Variants in CARMIL1 observed in about 807,000 individuals in gnomAD.
The protein encoded by CARMIL1 is capping protein regulator and myosin 1 linker 1.
Under a neutral mutation model 177.1 loss-of-function variants are expected in CARMIL1, and 90 were observed. The ratio of observed to expected loss-of-function variants is 0.51; its 90% CI spans 0.43 to 0.61. CARMIL1 has a LOEUF of 0.61. Ranked by LOEUF, CARMIL1 falls within the 20% of genes least tolerant of loss-of-function variation. The pLI, the probability that CARMIL1 is intolerant of heterozygous loss-of-function variation, is 0.00. For missense variants in CARMIL1, 1,380 were observed against 1,667.0 expected (o/e 0.83, Z 3.00); for synonymous variants, 577 against 606.2 (o/e 0.95, Z 0.71).
chr6:25,396,009 C>A (rs1002555159), intron 2 of CARMIL1, among the ~76,000 whole-genome samples: 1 of 152,188 alleles, frequency 6.6e-6, no homozygotes, highest in Non-Finnish European at 1.5e-5. Flanking sequence ...GGTTATTTCT[C>A]TACTGCCACT....
chr6:25,391,900 A>G (rs2150537252), intron 2 of CARMIL1, among the ~76,000 whole-genome samples: 1 of 152,344 alleles, frequency 6.6e-6, no homozygotes, highest in African/African-American at 2.4e-5. Context: ...TTGAACTAAA[A>G]AATTGTCCCT....
intron 17 of CARMIL1, among the ~76,000 whole-genome samples, chr6:25,502,004 A>AC (rs952988981): frequency 6.6e-6 from 1 of 151,162 alleles, no homozygotes; most frequent in African/African-American, 2.4e-5. Context: ...AAAAAAAAAA[A>AC]AAAAAAAACC....
chr6:25,583,562 A>T (rs181568424), intron 31 of CARMIL1, among the ~76,000 whole-genome samples: 2,949 of 152,214 alleles, frequency 0.019, 78 homozygotes, highest in African/African-American at 0.061. Context: ...ACATAGATGG[A>T]TGAAGGTCAC....
intron 2 of CARMIL1, chr6:25,388,146 T>C (rs1168339815): frequency 6.6e-6 from 1 of 152,208 alleles, no homozygotes; most frequent in Non-Finnish European, 1.5e-5. Flanking sequence ...TGAAACTCAT[T>C]TGATGTAGAA....
chr6:25,465,847 A>G (rs1229103877), intron 8 of CARMIL1, 26 bp from the exon 9 acceptor site: 7 of 1,450,826 alleles, frequency 4.8e-6, no homozygotes, highest in Admixed American at 1.7e-5. Context: ...GAGCACTTTC[A>G]TGTACTTTGT....
At chr6:25,364,745 A>G (rs899666946) in intron 2 of CARMIL1, among the ~76,000 whole-genome samples, 1 of 151,844 alleles carries the variant, frequency 6.6e-6, no homozygotes, top group African/African-American at 2.4e-5. Flanking sequence ...TTGTATTTTT[A>G]GTAGAGATGG....
intron 2 of CARMIL1, among the ~76,000 whole-genome samples, chr6:25,309,306 G>A (rs1463231746): frequency 7.4e-6 from 1 of 135,970 alleles, no homozygotes; most frequent in Non-Finnish European, 1.5e-5. Context: ...AATGAGCTCA[G>A]ATCATGCCAC....
chr6:25,619,731 GCCTTT>G lies in CARMIL1; in HGVS notation c.*149_*153del. ...TATTTCGCCCCCACCCCCATCCCCT[GCCTTT>G]TTTTTTTTTTTTTTTTTTTTTTTTT... On this transcript the variant is annotated 3_prime_UTR_variant, in exon 37 of 37. Transcript: ENST00000329474. 1 of 231,496 alleles carries G rather than the reference GCCTTT, an allele frequency of 4.3e-6. No individual in the cohort carries two copies. Among genetic ancestry groups the G allele is most frequent in the South Asian group, 1.7e-4 (1 of 5,856 alleles). The allele number at this position is 231,496 out of a possible 1,614,324, so 14.3% of individuals were successfully genotyped here.
chr6:25,356,202 C>G (rs927218449), intron 2 of CARMIL1, among the ~76,000 whole-genome samples: 4 of 152,092 alleles, frequency 2.6e-5, no homozygotes, highest in African/African-American at 9.7e-5. Context: ...GGACTACAGG[C>G]TCCCGCCACT....
intron 2 of CARMIL1, among the ~76,000 whole-genome samples, chr6:25,323,625 G>T (rs1784853032): frequency 6.6e-6 from 1 of 152,080 alleles, no homozygotes. Context: ...TGTCCTTAAA[G>T]AATTTATAAA....
chr6:25,475,423 C>A (rs1233786665), intron 11 of CARMIL1, among the ~76,000 whole-genome samples: 3 of 150,802 alleles, frequency 2.0e-5, no homozygotes, highest in African/African-American at 7.3e-5. Context: ...AAAAGTTAAA[C>A]TCAAATCTGC....
chr6:25,408,960 G>C (rs1015911726), intron 2 of CARMIL1, among the ~76,000 whole-genome samples: 2 of 152,128 alleles, frequency 1.3e-5, no homozygotes, highest in African/African-American at 4.8e-5. Context: ...CTGTCCAACA[G>C]AGTCTATTTC....
chr6:25,588,967 A>G (rs957316712), intron 31 of CARMIL1, among the ~76,000 whole-genome samples: 1 of 152,230 alleles, frequency 6.6e-6, no homozygotes, highest in Non-Finnish European at 1.5e-5. Flanking sequence ...ATAGCCCCAC[A>G]CTAGTCGGCC....
chr6:25,299,739 G>A (rs1782700264), intron 2 of CARMIL1, among the ~76,000 whole-genome samples: 1 of 151,892 alleles, frequency 6.6e-6, no homozygotes, highest in Admixed American at 6.6e-5. Flanking sequence ...ACTTTGGGAG[G>A]CCGAGGCGAG....
chr6:25,283,409 C>T (rs1026703482), intron 1 of CARMIL1, among the ~76,000 whole-genome samples: 4 of 151,994 alleles, frequency 2.6e-5, no homozygotes, highest in East Asian at 1.9e-4. Flanking sequence ...AGTCAGGAGC[C>T]GTGGAGGAGG....
At chr6:25,574,732 GTAT>G in intron 29 of CARMIL1, among the ~76,000 whole-genome samples, 1 of 152,200 alleles carries the variant, frequency 6.6e-6, no homozygotes, top group East Asian at 1.9e-4. Context: ...TTTTCACTCA[GTAT>G]TATATTTTGA....
chr6:25,317,698 A>C (rs959419098), intron 2 of CARMIL1, among the ~76,000 whole-genome samples: 2 of 150,940 alleles, frequency 1.3e-5, no homozygotes. Flanking sequence ...CTAGGACTAC[A>C]GGCACTCACC....
chr6:25,500,772 T>C (rs971186367), intron 17 of CARMIL1, among the ~76,000 whole-genome samples: 7 of 152,192 alleles, frequency 4.6e-5, no homozygotes, highest in Non-Finnish European at 7.4e-5. Context: ...TATATTTTTT[T>C]TTCTTCTTTT....
intron 2 of CARMIL1, among the ~76,000 whole-genome samples, chr6:25,373,692 C>T (rs969259093): frequency 6.6e-6 from 1 of 151,778 alleles, no homozygotes; most frequent in African/African-American, 2.4e-5. Context: ...AAGCGATTCT[C>T]CTGCCTCAGC....
Sources: gnomAD v4.1 joint callset for allele counts (sites outside exome capture counted in the v4.1 genomes callset) on GRCh38, gnomAD v4.1.1 for gene constraint, MANE v1.5 for transcripts, NCBI Gene and HGNC (gene_info 2026-07-23, HGNC 2026-07-21) for gene names.